ITGAV: variants seen among roughly 807,000 people sequenced by gnomAD.
The protein encoded by ITGAV is integrin alpha-V.
A neutral mutation model predicts 143.8 loss-of-function variants in ITGAV; 76 were observed. The ratio of observed to expected loss-of-function variants is 0.53; its 90% CI spans 0.44 to 0.64. The LOEUF (loss-of-function observed/expected upper bound fraction) is 0.64, where lower values mean the gene tolerates loss of function less well. Among genes scored for constraint, ITGAV ranks in the 30% least tolerant of loss-of-function variants. ITGAV has a pLI of 0.00. For synonymous variants in ITGAV, 453 were observed against 446.7 expected, an observed-to-expected ratio of 1.01 and a Z score of -0.18; for missense variants, 1,193 against 1,274.7, an observed-to-expected ratio of 0.94 and a Z score of 0.98.
At chr2:186,618,899 T>G (rs1367635748) in intron 2 of ITGAV, among the ~76,000 whole-genome samples, 1 of 152,140 alleles carries the variant, frequency 6.6e-6, no homozygotes, top group East Asian at 1.9e-4. Flanking sequence ...ATCCCACTAC[T>G]AGGCATTTAT....
At chr2:186,593,690 G>C (rs922000205) in intron 1 of ITGAV, among the ~76,000 whole-genome samples, 13 of 151,816 alleles carry the variant, frequency 8.6e-5, no homozygotes, top group Non-Finnish European at 1.8e-4. Context: ...CCACACCACC[G>C]GGGGGAAGTA....
chr2:186,671,563 C>T (rs1559069616), intron 26 of ITGAV, among the ~76,000 whole-genome samples: 1 of 152,160 alleles, frequency 6.6e-6, no homozygotes. Flanking sequence ...TACCTCCCAA[C>T]CCCACTTTTG....
chr2:186,621,712 A>G lies in ITGAV; in HGVS notation c.317-627A>G, dbSNP rs536787704. On this transcript the variant is annotated intron_variant, in intron 2 of 29. Coordinates refer to ENST00000261023, the MANE Select transcript of ITGAV (RefSeq NM_002210.5). ...CAAGTAAACTTATATTGGTAAGAAT[A>G]TAGTGATGTTCGATCTATCCCAATG... is the stretch of plus-strand genomic sequence containing the variant. Among the ~76,000 whole-genome samples, 4 of 152,354 alleles carry G rather than the reference A, an allele frequency of 2.6e-5. No homozygotes were observed. In the East Asian group the frequency reaches 7.7e-4, roughly 29 times the overall value.
intron 26 of ITGAV, 139 bp downstream of exon 26, chr2:186,669,953 CTTTCCTT>C: frequency 1.5e-6 from 1 of 652,870 alleles, no homozygotes; most frequent in East Asian, 2.9e-5. Flanking sequence ...ATTCCTCTCA[CTTTCCTT>C]TTTCCTAGTC....
At chr2:186,591,966 A>T (rs1686627146) in intron 1 of ITGAV, among the ~76,000 whole-genome samples, 1 of 152,210 alleles carries the variant, frequency 6.6e-6, no homozygotes, top group Non-Finnish European at 1.5e-5. Context: ...TATTGTTTTT[A>T]ACCACAGGGG....
At chr2:186,638,770 T>C (rs1278942755) in intron 10 of ITGAV, among the ~76,000 whole-genome samples, 1 of 151,998 alleles carries the variant, frequency 6.6e-6, no homozygotes, top group African/African-American at 2.4e-5. Context: ...CTTAAAACTT[T>C]CCTTGGCAGT....
chr2:186,668,187 T>TATATATATATAC (rs1467058954), intron 24 of ITGAV, among the ~76,000 whole-genome samples: 1 of 12,258 alleles, frequency 8.2e-5, no homozygotes, highest in East Asian at 4.8e-3. Context: ...CATACATACA[T>TATATATATATAC]ATATATATAT....
intron 3 of ITGAV, among the ~76,000 whole-genome samples, chr2:186,623,871 C>T (rs1417188597): frequency 6.6e-6 from 1 of 152,188 alleles, no homozygotes; most frequent in Non-Finnish European, 1.5e-5. Flanking sequence ...AAGCCACCAT[C>T]ATTACCCCCT....
At chr2:186,627,847 C>CA (rs1423276135) in intron 4 of ITGAV, among the ~76,000 whole-genome samples, 2 of 152,114 alleles carry the variant, frequency 1.3e-5, no homozygotes, top group Admixed American at 6.6e-5. Context: ...AGAACAGTCT[C>CA]AAAAAACAGA....
intron 1 of ITGAV, among the ~76,000 whole-genome samples, chr2:186,596,770 G>A (rs140246722): frequency 1.0e-3 from 157 of 152,178 alleles, no homozygotes; most frequent in African/African-American, 3.4e-3. Flanking sequence ...TTCTATGCAA[G>A]TATTTCTTTT....
intron 2 of ITGAV, among the ~76,000 whole-genome samples, chr2:186,621,257 C>T (rs774701033): frequency 6.6e-6 from 1 of 152,084 alleles, no homozygotes. Context: ...ATACAATGAA[C>T]AACGAACAAC....
intron 19 of ITGAV, 30 bp downstream of exon 19, chr2:186,663,865 A>G (rs1270729347): frequency 1.4e-6 from 2 of 1,460,128 alleles, no homozygotes; most frequent in South Asian, 1.2e-5. Context: ...ATAATGTAGT[A>G]AGAAATTTAA....
Position 186,675,913 on chromosome 2 carries a change from A to G in ITGAV, c.2914A>G (p.Thr972Ala), listed in dbSNP as rs1399523251. 1 of 1,559,500 alleles carries G rather than the reference A, an allele frequency of 6.4e-7. No individual in the cohort carries two copies. Among genetic ancestry groups the G allele is most frequent in the Admixed American group, 1.7e-5 (1 of 59,824 alleles). Residue 972 changes from threonine to alanine, a missense_variant, in exon 28 of 30, where the codon ACC (threonine) becomes GCC (alanine). Transcript: ENST00000261023. The stretch of plus-strand genomic sequence containing the variant: ...TAAGAATCTTCCAATTGAGGATATC[A>G]CCAACTCCACATTGGTAAGTCATTG... The part of the protein sequence containing the change: ...PYKNLPIEDI[T>A]NSTLVTTNVT...
rs1382996513 is a variant in ITGAV at position 186,675,726 on chromosome 2, A to T, written c.2820+9A>T. 6.3e-7 allele frequency: 1 copy of T among 1,594,642 alleles called. No individual in the cohort carries two copies. The highest frequency in any genetic ancestry group is 2.2e-5 in the East Asian group (1 of 44,764). On this transcript the variant is annotated intron_variant, in intron 27 of 29. Transcript: ENST00000261023. Reference sequence around the variant, plus strand: ...CTGAGACTTTTATGAATGTAAGTAGACAGGTGCAGCATTTAGCAAACATAC... The same window carrying T: ...CTGAGACTTTTATGAATGTAAGTAGTCAGGTGCAGCATTTAGCAAACATAC...
chr2:186,611,804 C>T (rs1456145721), intron 2 of ITGAV, among the ~76,000 whole-genome samples: 1 of 152,122 alleles, frequency 6.6e-6, no homozygotes, highest in Non-Finnish European at 1.5e-5. Context: ...GGCCTGGTGG[C>T]TCATGCCTGT....
intron 1 of ITGAV, 100 bp from the exon 2 acceptor site, chr2:186,601,921 T>A: frequency 2.4e-6 from 3 of 1,234,352 alleles, no homozygotes; most frequent in Non-Finnish European, 3.3e-6. Context: ...TAAAAAATAT[T>A]TATAGATAAT....
At chr2:186,660,575 C>G (rs1418760859) in intron 18 of ITGAV, 2 of 152,184 alleles carry the variant, frequency 1.3e-5, no homozygotes, top group African/African-American at 4.8e-5. Context: ...CATGCACTCT[C>G]TCTTTGCTGT....
chr2:186,676,254 A>AT, intron 28 of ITGAV: 1 of 213,122 alleles, frequency 4.7e-6, no homozygotes, highest in East Asian at 1.3e-4. Context: ...TTTTGAAGAT[A>AT]TTTAAGGAGT....
At chr2:186,608,171 A>G (rs1009925483) in intron 2 of ITGAV, among the ~76,000 whole-genome samples, 3 of 152,142 alleles carry the variant, frequency 2.0e-5, no homozygotes, top group Admixed American at 6.5e-5. Context: ...CCAAAGAGGT[A>G]TGTCTGGTTC....
Sources: gnomAD v4.1 joint callset for allele counts (sites outside exome capture counted in the v4.1 genomes callset) on GRCh38, gnomAD v4.1.1 for gene constraint, MANE v1.5 for transcripts, NCBI Gene and HGNC (gene_info 2026-07-23, HGNC 2026-07-21) for gene names.